Variants in HELZ observed in about 807,000 individuals in gnomAD.
The protein encoded by HELZ is helicase with zinc finger, also known as ATP-dependent RNA helicase with zinc finger domain.
HELZ carries 23 observed loss-of-function variants against 218.2 expected under a neutral mutation model. The observed-to-expected ratio is 0.11, with a 90% CI of 0.08 to 0.15. The LOEUF (loss-of-function observed/expected upper bound fraction) is 0.15, where lower values mean the gene tolerates loss of function less well. Ranked by LOEUF, HELZ falls within the 10% of genes least tolerant of loss-of-function variation. The probability of loss-of-function intolerance (pLI) is 1.00; values close to 1 mark genes in which losing one functional copy is unlikely to be tolerated. For synonymous variants in HELZ, 814 were observed against 829.4 expected (o/e 0.98, Z 0.32); for missense variants, 1,813 against 2,353.7 (o/e 0.77, Z 4.75).
At chr17:67,182,244 C>A (rs1015878063) in intron 12 of HELZ, among the ~76,000 whole-genome samples, 3 of 152,072 alleles carry the variant, frequency 2.0e-5, no homozygotes, top group Non-Finnish European at 2.9e-5. Flanking sequence ...GAGTTCAAGA[C>A]CAGCCTGGTC....
At chr17:67,138,561 A>G (rs922266091) in intron 21 of HELZ, among the ~76,000 whole-genome samples, 9 of 152,232 alleles carry the variant, frequency 5.9e-5, no homozygotes, top group Non-Finnish European at 1.3e-4. Context: ...ACTAAGTCCC[A>G]GCAGTACAAG....
chr17:67,074,236 T>C lies in HELZ; in HGVS notation c.*4016A>G, dbSNP rs1250305434. 8.0e-6 allele frequency: 1 copy of C among 125,012 alleles called. No individual in the cohort carries two copies. Among genetic ancestry groups the C allele is most frequent in the African/African-American group, 3.2e-5 (1 of 31,646 alleles). The allele number at this position is 125,012 out of a possible 1,614,324, so 7.7% of individuals were successfully genotyped here. ...AATCATAAAAGACAAATTACTACCA[T>C]TGAGGAGCTGGAGGGAAAAAAAAAA... is the stretch of plus-strand genomic sequence containing the variant. On this transcript the variant is annotated 3_prime_UTR_variant, in exon 33 of 33. Transcript: ENST00000358691.
intron 1 of HELZ, among the ~76,000 whole-genome samples, chr17:67,244,270 C>G (rs2041405969): frequency 6.6e-6 from 1 of 151,984 alleles, no homozygotes; most frequent in Non-Finnish European, 1.5e-5. Flanking sequence ...AATGATTTGC[C>G]TGAGAAGTGT....
chr17:67,214,406 C>T (rs539114092), intron 5 of HELZ, among the ~76,000 whole-genome samples: 3 of 151,534 alleles, frequency 2.0e-5, no homozygotes, highest in African/African-American at 7.3e-5. Flanking sequence ...GCTGGGATTA[C>T]AGGCGTGCAC....
At chr17:67,157,413 C>T (rs1194495655) in intron 17 of HELZ, among the ~76,000 whole-genome samples, 1 of 152,146 alleles carries the variant, frequency 6.6e-6, no homozygotes, top group African/African-American at 2.4e-5. Flanking sequence ...GATCGCTGAG[C>T]CAATTTTCTT....
rs548299702 is a variant in HELZ, at chr17:67,088,597, G to A, written c.5242-1516C>T. Among the ~76,000 whole-genome samples, 6 of 152,302 alleles carry A rather than the reference G, an allele frequency of 3.9e-5. No individual in the cohort carries two copies. In the South Asian group the frequency reaches 1.0e-3, roughly 26 times the overall value. Reference sequence around the variant, plus strand: ...AAGCCGTGACGAGAGCAATTCTCTCGCTATTAAGTTTTGAGTGCCTCCATT... The same window carrying A: ...AAGCCGTGACGAGAGCAATTCTCTCACTATTAAGTTTTGAGTGCCTCCATT... On this transcript the variant is annotated intron_variant, in intron 31 of 32. Transcript: ENST00000358691.
At position 67,188,808 on chromosome 17, in the gene HELZ, C is replaced by T. The variant is rs1048734150; in HGVS notation, c.865-192G>A. On this transcript the variant is annotated intron_variant, in intron 11 of 32. Transcript: ENST00000358691. The surrounding 1 kb of genome is among the most constrained non-coding windows in gnomAD (Gnocchi z 4.1). ...TTAAAATTATTTATTTATGCTATAT[C>T]GCTAGCCTCCCTTCTCTTCCTGTGA... 1.3e-5 allele frequency among the ~76,000 whole-genome samples: 2 copies of T among 152,104 alleles called. No homozygotes were observed. The highest frequency in any genetic ancestry group is 1.3e-4 in the Admixed American group (2 of 15,266).
intron 31 of HELZ, among the ~76,000 whole-genome samples, chr17:67,093,441 A>G (rs1275857247): frequency 6.6e-6 from 1 of 152,244 alleles, no homozygotes; most frequent in South Asian, 2.1e-4. Context: ...AATTATCAAA[A>G]AAGATTAATA....
intron 1 of HELZ, chr17:67,244,064 A>C: frequency 1.3e-6 from 1 of 799,668 alleles, no homozygotes; most frequent in Non-Finnish European, 1.5e-6. Context: ...AAACTCAAAA[A>C]CATAATAAAA....
chr17:67,150,328 A>G (rs2038645284), intron 18 of HELZ, among the ~76,000 whole-genome samples: 1 of 151,620 alleles, frequency 6.6e-6, no homozygotes, highest in Non-Finnish European at 1.5e-5. Context: ...ATAAGGTTTC[A>G]CTGTATTTCC....
intron 27 of HELZ, among the ~76,000 whole-genome samples, chr17:67,114,848 T>G (rs1193061535): frequency 1.3e-5 from 2 of 152,198 alleles, no homozygotes; most frequent in Non-Finnish European, 2.9e-5. Context: ...ATAAAGATAT[T>G]CAGAAAGTAA....
intron 3 of HELZ, among the ~76,000 whole-genome samples, chr17:67,223,816 CT>C (rs1222942701): frequency 6.6e-6 from 1 of 152,174 alleles, no homozygotes; most frequent in Non-Finnish European, 1.5e-5. Flanking sequence ...CTTTAAACTC[CT>C]ATCCCTGTGA....
chr17:67,168,372 C>T (rs189875488), intron 13 of HELZ, among the ~76,000 whole-genome samples: 3 of 152,154 alleles, frequency 2.0e-5, no homozygotes, highest in South Asian at 2.1e-4. Flanking sequence ...TCAAAAAACA[C>T]CTGAGTATTT....
intron 5 of HELZ, among the ~76,000 whole-genome samples, chr17:67,212,206 A>T (rs1448216129): frequency 6.6e-6 from 1 of 150,456 alleles, no homozygotes; most frequent in African/African-American, 2.4e-5. Flanking sequence ...CTGCAATCCC[A>T]GCTACTGGGG....
intron 1 of HELZ, 64 bp downstream of exon 1, chr17:67,245,084 C>T (rs937001288): frequency 2.0e-6 from 2 of 984,706 alleles, no homozygotes; most frequent in African/African-American, 3.5e-5. Context: ...GGTCCCCTCC[C>T]CGGAGAGCTC....
At chr17:67,243,377 G>A (rs932187051) in intron 2 of HELZ, among the ~76,000 whole-genome samples, 1 of 152,074 alleles carries the variant, frequency 6.6e-6, no homozygotes, top group Admixed American at 6.5e-5. Flanking sequence ...CACAAACCAG[G>A]TACACACAAA....
intron 3 of HELZ, among the ~76,000 whole-genome samples, chr17:67,223,489 G>A (rs993623867): frequency 1.3e-5 from 2 of 152,124 alleles, no homozygotes; most frequent in African/African-American, 4.8e-5. Flanking sequence ...GGTGGCTCAC[G>A]CCTGTAATCC....
At position 67,154,998 on chromosome 17, in the gene HELZ, A is replaced by G. The variant is rs538180924; in HGVS notation, c.2178-3774T>C. ...ACTATGCAGTTATGAGCCACATTTTAAAACTAAAATTCCACCCATCCCCCA... is the reference window on the plus strand; with the variant it reads ...ACTATGCAGTTATGAGCCACATTTTGAAACTAAAATTCCACCCATCCCCCA... On this transcript the variant is annotated intron_variant, in intron 17 of 32. Coordinates refer to ENST00000358691, the MANE Select transcript of HELZ (RefSeq NM_014877.4). Among the ~76,000 whole-genome samples, 5 of 152,354 alleles carry G rather than the reference A, an allele frequency of 3.3e-5. No individual in the cohort carries two copies. In the South Asian group the frequency reaches 6.2e-4, roughly 19 times the overall value.
intron 31 of HELZ, among the ~76,000 whole-genome samples, chr17:67,103,944 T>A (rs948460900): frequency 6.6e-6 from 1 of 152,148 alleles, no homozygotes; most frequent in Non-Finnish European, 1.5e-5. Context: ...AAACCCAGCA[T>A]CTACAGTCAA....
Sources: allele counts gnomAD v4.1 joint callset (sites outside exome capture counted in the v4.1 genomes callset), GRCh38; gene constraint gnomAD v4.1.1; non-coding constraint Gnocchi (gnomAD v3.1); transcripts MANE v1.5; gene names NCBI Gene and HGNC (gene_info 2026-07-23, HGNC 2026-07-21).